The following GASK1A variants were observed in gnomAD, a reference collection of about 807,000 sequenced individuals.
The protein encoded by GASK1A is Golgi-associated kinase 1A.
A neutral mutation model predicts 41.2 loss-of-function variants in GASK1A; 40 were observed. The ratio of observed to expected loss-of-function variants is 0.97; its 90% CI spans 0.75 to 1.27. The LOEUF (loss-of-function observed/expected upper bound fraction) is 1.27. GASK1A is among the 50% of genes most tolerant of loss of function. The pLI, the probability that GASK1A is intolerant of heterozygous loss-of-function variation, is 0.00. For synonymous variants in GASK1A, 316 were observed against 307.1 expected, an observed-to-expected ratio of 1.03 and a Z score of -0.30; for missense variants, 678 against 745.1, an observed-to-expected ratio of 0.91 and a Z score of 1.05.
chr3:43,001,605 G>C (rs1053425054), intron 1 of GASK1A, among the ~76,000 whole-genome samples: 8 of 152,178 alleles, frequency 5.3e-5, no homozygotes, highest in African/African-American at 1.9e-4. Flanking sequence ...TTTCAAAAGA[G>C]GAGAGCTGTA....
chr3:43,019,331 C>A (rs998255986), intron 1 of GASK1A, among the ~76,000 whole-genome samples: 1 of 152,100 alleles, frequency 6.6e-6, no homozygotes, highest in Non-Finnish European at 1.5e-5. Context: ...CACAGTGGAG[C>A]AAACAGCCCA....
intron 1 of GASK1A, among the ~76,000 whole-genome samples, chr3:43,019,684 G>T (rs998120661): frequency 1.5e-4 from 23 of 151,932 alleles, no homozygotes; most frequent in Non-Finnish European, 5.9e-5. Context: ...AGGGGCAAAG[G>T]TCGGGGAACA....
At chr3:42,987,849 A>G (rs867629779) in intron 1 of GASK1A, among the ~76,000 whole-genome samples, 8 of 151,902 alleles carry the variant, frequency 5.3e-5, no homozygotes, top group South Asian at 4.2e-4. Flanking sequence ...AAATACAAAA[A>G]TTAGCTGGGC....
At chr3:43,053,163 G>GA (rs1284575113) in intron 2 of GASK1A, among the ~76,000 whole-genome samples, 3 of 152,308 alleles carry the variant, frequency 2.0e-5, no homozygotes, top group East Asian at 1.9e-4. Context: ...GCTGCTTAAA[G>GA]AAAAAATAGA....
At chr3:43,004,940 G>T (rs2125677946) in intron 1 of GASK1A, among the ~76,000 whole-genome samples, 1 of 152,334 alleles carries the variant, frequency 6.6e-6, no homozygotes, top group Admixed American at 6.5e-5. Context: ...TCTTTCTGGA[G>T]GCTCTGGGGG....
Position 42,984,512 on chromosome 3 carries a change from A to G in GASK1A, c.3+4867A>G, listed in dbSNP as rs1301492731. On this transcript the variant is annotated intron_variant, in intron 1 of 4. Transcript: ENST00000430121. This position sits in a 1 kb window ranked among gnomAD's most constrained non-coding sequence, Gnocchi z 4.2. ...TGGAAGATGGAAGGTGCTTTATAAT[A>G]GCATCTGGTGAATCCTGGGGTCAAG... Among the ~76,000 whole-genome samples, 1 of 152,080 alleles carries G rather than the reference A, an allele frequency of 6.6e-6. No individual in the cohort carries two copies. The highest frequency in any genetic ancestry group is 1.9e-4 in the East Asian group (1 of 5,168).
rs1202595508 is a variant in GASK1A, at chr3:42,979,480, G to A, written c.-163G>A. 1.5e-6 allele frequency: 1 copy of A among 683,542 alleles called. No homozygotes were observed. Among genetic ancestry groups the A allele is most frequent in the East Asian group, 3.4e-5 (1 of 29,312 alleles). The allele number at this position is 683,542 out of a possible 1,614,324, so 42.3% of individuals were successfully genotyped here. Reference sequence around the variant, plus strand: ...GTTGGCGCAGGGCCACTTGGCTGCAGAGAACGTGTGCACCTTCAGTCCGGG... The same window carrying A: ...GTTGGCGCAGGGCCACTTGGCTGCAAAGAACGTGTGCACCTTCAGTCCGGG... On this transcript the variant is annotated 5_prime_UTR_variant, in exon 1 of 5. Transcript: ENST00000430121.
At chr3:42,991,497 A>T in intron 1 of GASK1A, among the ~76,000 whole-genome samples, 1 of 152,212 alleles carries the variant, frequency 6.6e-6, no homozygotes, top group East Asian at 1.9e-4. Context: ...TCTTGCATAC[A>T]CACTCACACA....
intron 1 of GASK1A, among the ~76,000 whole-genome samples, chr3:42,997,440 G>GGC (rs2089382292): frequency 2.0e-5 from 3 of 151,002 alleles, no homozygotes; most frequent in Admixed American, 1.3e-4. Flanking sequence ...CAGAGAGAGG[G>GGC]GGGGGGGATC....
At chr3:43,055,963 G>A (rs909997662) in intron 4 of GASK1A, 21 of 559,484 alleles carry the variant, frequency 3.8e-5, no homozygotes, top group Middle Eastern at 9.4e-4. Context: ...GGACCCATCT[G>A]AAAGGTCTGT....
Position 43,032,411 on chromosome 3 carries a change from CA to C in GASK1A, c.149del (p.Gln50ArgfsTer3), listed in dbSNP as rs1245242984. 1.3e-6 allele frequency: 2 copies of C among 1,551,466 alleles called. No individual in the cohort carries two copies. Among genetic ancestry groups the C allele is most frequent in the African/African-American group, 1.4e-5 (1 of 73,182 alleles). ...AGPDPGPMEP[Q>X]GVTGAPATHI... is the part of the protein sequence containing the mutation. The stretch of plus-strand genomic sequence containing the variant: ...CCCAGACCCTGGTCCCATGGAGCCT[CA>C]GGGGGTAACTGGCGCCCCTGCAACC... On this transcript the variant is annotated frameshift_variant, in exon 2 of 5. Transcript: ENST00000430121. LOFTEE classifies it high-confidence loss of function.
At chr3:43,055,771 G>T (rs940043007) in intron 4 of GASK1A, 4 of 521,916 alleles carry the variant, frequency 7.7e-6, no homozygotes, top group African/African-American at 3.8e-5. Context: ...TAGCTGTATT[G>T]CTGGGGTGTG....
intron 1 of GASK1A, among the ~76,000 whole-genome samples, chr3:42,979,858 G>A (rs2089273821): frequency 6.6e-6 from 1 of 152,134 alleles, no homozygotes; most frequent in African/African-American, 2.4e-5. Context: ...TAGTGGGGCG[G>A]ACCGTAATAA....
intron 4 of GASK1A, 63 bp downstream of exon 4, chr3:43,055,598 C>A (rs1166364784): frequency 1.7e-6 from 2 of 1,191,038 alleles, no homozygotes; most frequent in Non-Finnish European, 1.2e-6. Flanking sequence ...TTGCTGCAAA[C>A]CTTGGGACCT....
At chr3:42,995,893 G>C (rs1389623492) in intron 1 of GASK1A, among the ~76,000 whole-genome samples, 1 of 152,170 alleles carries the variant, frequency 6.6e-6, no homozygotes, top group Non-Finnish European at 1.5e-5. Flanking sequence ...CCAGATCTGA[G>C]AGCAAAATGT....
chr3:43,021,149 C>T (rs2089520516), intron 1 of GASK1A, among the ~76,000 whole-genome samples: 1 of 152,156 alleles, frequency 6.6e-6, no homozygotes, highest in Admixed American at 6.5e-5. Context: ...GGGCTGGGCT[C>T]CTTCAGGCAG....
At chr3:43,039,445 C>T (rs751938255) in intron 2 of GASK1A, among the ~76,000 whole-genome samples, 10 of 152,210 alleles carry the variant, frequency 6.6e-5, no homozygotes, top group Middle Eastern at 3.4e-3. Context: ...ACAGGTGATC[C>T]GCCTGCTTCG....
At chr3:43,003,691 T>C (rs1462751969) in intron 1 of GASK1A, among the ~76,000 whole-genome samples, 1 of 152,130 alleles carries the variant, frequency 6.6e-6, no homozygotes, top group Non-Finnish European at 1.5e-5. Context: ...CAGGAAAATA[T>C]CAGAACTGCT....
chr3:42,980,649 G>T (rs2089278267), intron 1 of GASK1A, among the ~76,000 whole-genome samples: 1 of 152,134 alleles, frequency 6.6e-6, no homozygotes, highest in Admixed American at 6.5e-5. Context: ...GTGCAGGGGG[G>T]CCTGGCAGGT....
Sources: gnomAD v4.1 joint callset for allele counts (sites outside exome capture counted in the v4.1 genomes callset) on GRCh38, gnomAD v4.1.1 for gene constraint, Gnocchi (gnomAD v3.1) non-coding constraint, MANE v1.5 for transcripts, NCBI Gene and HGNC (gene_info 2026-07-23, HGNC 2026-07-21) for gene names.